The following VRK3 variants were observed in gnomAD, a reference collection of about 807,000 sequenced individuals.
The protein encoded by VRK3 is serine/threonine-protein kinase VRK3.
VRK3 carries 50 observed loss-of-function variants against 60.4 expected under a neutral mutation model. That is an observed-to-expected ratio of 0.83 (90% CI 0.66 to 1.05). The LOEUF is 1.05. Ranked by LOEUF, VRK3 falls within the 50% of genes least tolerant of loss-of-function variation. The pLI is 0.00. For synonymous variants in VRK3, 246 were observed against 227.8 expected, an observed-to-expected ratio of 1.08 and a Z score of -0.72; for missense variants, 549 against 585.3, an observed-to-expected ratio of 0.94 and a Z score of 0.64.
intron 9 of VRK3, among the ~76,000 whole-genome samples, chr19:49,993,695 C>T (rs566322735): frequency 9.2e-5 from 14 of 152,284 alleles, no homozygotes; most frequent in Middle Eastern, 3.4e-3. Context: ...CTGCTGCGCC[C>T]GGCCAATTCT....
intron 6 of VRK3, chr19:49,999,944 G>A (rs2076771802): frequency 6.6e-6 from 1 of 152,222 alleles, no homozygotes; most frequent in East Asian, 1.9e-4. Context: ...ATTCAATGAA[G>A]CAGTGCTTAT....
chr19:49,991,116 A>T (rs1464796859), intron 10 of VRK3, among the ~76,000 whole-genome samples: 1 of 152,172 alleles, frequency 6.6e-6, no homozygotes, highest in Non-Finnish European at 1.5e-5. Context: ...TTATGTGGCA[A>T]CTTGACTGGG....
chr19:49,992,008 A>G (rs1413251033), intron 10 of VRK3, among the ~76,000 whole-genome samples: 1 of 152,230 alleles, frequency 6.6e-6, no homozygotes, highest in Non-Finnish European at 1.5e-5. Flanking sequence ...CCATTTCACT[A>G]TTACAATCAG....
At chr19:49,987,511 C>A (rs11879713) in intron 12 of VRK3, among the ~76,000 whole-genome samples, 7,978 of 152,246 alleles carry the variant, frequency 0.052, 691 homozygotes, top group African/African-American at 0.18. Flanking sequence ...TGTCCACCGG[C>A]TTTGGTGCTG....
chr19:49,991,518 T>TACACACAC (rs937491646), intron 10 of VRK3, among the ~76,000 whole-genome samples: 1,715 of 150,806 alleles, frequency 0.011, 32 homozygotes, highest in African/African-American at 0.04. Context: ...AATAAATCTC[T>TACACACAC]ACACACACAC....
In VRK3 at chr19:49,982,794, G is replaced by A. The variant is rs148810443; in HGVS notation, c.1218-1781C>T. On this transcript the variant is annotated intron_variant, in intron 12 of 14. Transcript: ENST00000316763. Reference sequence around the variant, plus strand: ...ATATGTATAACACAAACACATGCATGCACGTGCAACCGTTTGTTCAGGAAA... The same window carrying A: ...ATATGTATAACACAAACACATGCATACACGTGCAACCGTTTGTTCAGGAAA... Among the ~76,000 whole-genome samples, 954 of 152,286 alleles carry A rather than the reference G, an allele frequency of 6.3e-3. 7 individuals carry two copies. Among genetic ancestry groups the A allele is most frequent in the African/African-American group, 0.021 (866 of 41,538 alleles).
intron 10 of VRK3, among the ~76,000 whole-genome samples, chr19:49,991,527 ACACACACG>A (rs2076612345): frequency 6.6e-6 from 1 of 151,780 alleles, no homozygotes; most frequent in African/African-American, 2.4e-5. Context: ...CTACACACAC[ACACACACG>A]CACACACACA....
chr19:49,989,265 C>A (rs1185984196), intron 11 of VRK3, among the ~76,000 whole-genome samples: 1 of 152,192 alleles, frequency 6.6e-6, no homozygotes, highest in African/African-American at 2.4e-5. Context: ...CGGCTGATAA[C>A]TTCTGAGATA....
intron 1 of VRK3, among the ~76,000 whole-genome samples, chr19:50,021,379 G>A (rs1254404609): frequency 6.6e-6 from 1 of 152,138 alleles, no homozygotes; most frequent in East Asian, 1.9e-4. Flanking sequence ...AGACTTCCCA[G>A]GCTGGGTCAT....
At chr19:50,008,996 C>T (rs1438325918) in intron 4 of VRK3, among the ~76,000 whole-genome samples, 1 of 152,124 alleles carries the variant, frequency 6.6e-6, no homozygotes, top group Non-Finnish European at 1.5e-5. Flanking sequence ...GCACCAGGAA[C>T]AGTAGGGGTC....
chr19:50,013,225 T>C (rs147555381), intron 3 of VRK3, among the ~76,000 whole-genome samples: 133 of 152,272 alleles, frequency 8.7e-4, no homozygotes, highest in African/African-American at 3.0e-3. Flanking sequence ...AGGCAAACGC[T>C]GTTCACATTT....
intron 12 of VRK3, among the ~76,000 whole-genome samples, chr19:49,982,722 T>C (rs545435309): frequency 2.0e-5 from 3 of 152,236 alleles, no homozygotes; most frequent in Non-Finnish European, 4.4e-5. Context: ...ATATGGACTC[T>C]GAATAATCAG....
chr19:49,980,891 G>A, intron 13 of VRK3, 64 bp downstream of exon 13: 1 of 1,497,320 alleles, frequency 6.7e-7, no homozygotes, highest in Non-Finnish European at 9.1e-7. Context: ...GCCACCCCAA[G>A]ATGGATCTGA....
At chr19:50,021,664 C>G (rs1287229291) in intron 1 of VRK3, among the ~76,000 whole-genome samples, 1 of 152,224 alleles carries the variant, frequency 6.6e-6, no homozygotes, top group Non-Finnish European at 1.5e-5. Context: ...ACTCTGAATT[C>G]CTGGCCCATA....
intron 5 of VRK3, among the ~76,000 whole-genome samples, chr19:50,005,711 C>T (rs531525905): frequency 3.3e-5 from 5 of 149,820 alleles, no homozygotes; most frequent in East Asian, 1.9e-4. Context: ...GCGGCAGTGA[C>T]GCGCCACAGC....
intron 5 of VRK3, among the ~76,000 whole-genome samples, chr19:50,002,360 G>A (rs928082636): frequency 4.6e-5 from 7 of 152,058 alleles, no homozygotes; most frequent in Non-Finnish European, 7.3e-5. Context: ...AGAGGGAGAC[G>A]TATGCAGGAC....
chr19:49,990,809 G>A (rs924780968), intron 10 of VRK3, among the ~76,000 whole-genome samples: 1 of 151,626 alleles, frequency 6.6e-6, no homozygotes, highest in Non-Finnish European at 1.5e-5. Flanking sequence ...TTTTGAGACA[G>A]GGTCTCACTG....
chr19:49,989,202 C>T (rs548086501), intron 11 of VRK3, among the ~76,000 whole-genome samples: 115 of 152,240 alleles, frequency 7.6e-4, no homozygotes, highest in African/African-American at 2.7e-3. Context: ...GCCCTGGGCC[C>T]TCTTCCTAGT....
intron 5 of VRK3, chr19:50,001,549 C>T (rs1286719005): frequency 6.6e-6 from 1 of 152,124 alleles, no homozygotes; most frequent in African/African-American, 2.4e-5. Context: ...CAGCCCACCT[C>T]CTGCTCCTTA....
Sources: allele counts gnomAD v4.1 joint callset (sites outside exome capture counted in the v4.1 genomes callset), GRCh38; gene constraint gnomAD v4.1.1; transcripts MANE v1.5; gene names NCBI Gene and HGNC (gene_info 2026-07-23, HGNC 2026-07-21).